TBXAS1: variants seen among roughly 807,000 people sequenced by gnomAD.
The protein encoded by TBXAS1 is thromboxane-A synthase.
TBXAS1 carries 48 observed loss-of-function variants against 60.7 expected under a neutral mutation model. The ratio of observed to expected loss-of-function variants is 0.79; its 90% CI spans 0.63 to 1.01. The LOEUF (loss-of-function observed/expected upper bound fraction) is 1.01. Ranked by LOEUF, TBXAS1 falls within the 50% of genes least tolerant of loss-of-function variation. The probability of loss-of-function intolerance (pLI) is 0.00; values close to 1 mark genes in which losing one functional copy is unlikely to be tolerated. For missense variants in TBXAS1, 685 were observed against 686.3 expected (o/e 1.00, Z 0.02); for synonymous variants, 287 against 269.7 (o/e 1.06, Z -0.63).
chr7:139,786,137 G>A (rs1221805930), intron 3 of TBXAS1, among the ~76,000 whole-genome samples: 1 of 150,360 alleles, frequency 6.7e-6, no homozygotes, highest in Non-Finnish European at 1.5e-5. Flanking sequence ...TGACCATCAG[G>A]AACATTAGGT....
intron 4 of TBXAS1, among the ~76,000 whole-genome samples, chr7:139,818,687 T>G (rs1187985971): frequency 6.6e-6 from 1 of 152,018 alleles, no homozygotes; most frequent in Non-Finnish European, 1.5e-5. Context: ...GCAGACAGAG[T>G]GAATATTTCT....
At chr7:139,984,781 AAAAG>A (rs951941164) in intron 9 of TBXAS1, among the ~76,000 whole-genome samples, 129 of 140,900 alleles carry the variant, frequency 9.2e-4, no homozygotes, top group Admixed American at 5.3e-3. Flanking sequence ...AGAAAGAAAG[AAAAG>A]AAAGAAAGAA....
At chr7:139,931,694 A>G (rs1807342055) in intron 4 of TBXAS1, among the ~76,000 whole-genome samples, 1 of 151,586 alleles carries the variant, frequency 6.6e-6, no homozygotes, top group South Asian at 2.1e-4. Flanking sequence ...ACGTGACCCC[A>G]CGATTCAATT....
intron 4 of TBXAS1, chr7:139,913,652 C>T (rs1805721726): frequency 6.5e-6 from 1 of 153,650 alleles, no homozygotes; most frequent in Non-Finnish European, 1.4e-5. Context: ...TCCTCCAAGC[C>T]ATTTGTCTGC....
intron 4 of TBXAS1, among the ~76,000 whole-genome samples, chr7:139,795,771 C>T (rs1797549441): frequency 6.6e-6 from 1 of 152,006 alleles, no homozygotes. Context: ...ACTGTTTCAC[C>T]ACCCCGCCTC....
chr7:139,786,016 T>G (rs551095027), intron 3 of TBXAS1, among the ~76,000 whole-genome samples: 1 of 150,808 alleles, frequency 6.6e-6, no homozygotes, highest in African/African-American at 2.4e-5. Context: ...GGTCTGTTTC[T>G]GCTGCATTCA....
intron 4 of TBXAS1, among the ~76,000 whole-genome samples, chr7:139,817,559 G>T (rs1263924478): frequency 2.0e-5 from 3 of 152,170 alleles, no homozygotes; most frequent in Non-Finnish European, 4.4e-5. Flanking sequence ...CCCGGAACAG[G>T]TACAGGCAGC....
intron 1 of TBXAS1, among the ~76,000 whole-genome samples, chr7:139,864,173 A>C (rs563126199): frequency 6.6e-6 from 1 of 152,280 alleles, no homozygotes; most frequent in East Asian, 1.9e-4. Flanking sequence ...ATAGGAAATC[A>C]AAGAAATTCC....
rs1469742346 is a variant in TBXAS1 at position 139,805,710 on chromosome 7, C to CTTTCT, written c.-80+18285_-80+18289dup. Among the ~76,000 whole-genome samples, 3 of 41,606 alleles carry CTTTCT rather than the reference C, an allele frequency of 7.2e-5. No individual in the cohort carries two copies. In the Admixed American group the frequency reaches 8.7e-4, roughly 12 times the overall value. 27.3% of individuals were successfully genotyped at this position (41,606 alleles called of 152,430 possible). ...TCTTTCTTTCTTTCTTTCTTTCTTT[C>CTTTCT]TTTCTCTCTCTCTCTCTCTCTTTCT... On this transcript the variant is annotated intron_variant, in intron 4 of 16. Transcript: ENST00000336425.
chr7:139,952,583 A>G, intron 5 of TBXAS1: 2 of 1,537,308 alleles, frequency 1.3e-6, no homozygotes, highest in Non-Finnish European at 8.7e-7. Flanking sequence ...AGAGAATAAA[A>G]GGTCACATGG....
chr7:139,979,045 C>A (rs943720713), intron 9 of TBXAS1, among the ~76,000 whole-genome samples: 1 of 152,160 alleles, frequency 6.6e-6, no homozygotes, highest in Non-Finnish European at 1.5e-5. Flanking sequence ...GATTTGAATT[C>A]GATCCTCTGG....
At chr7:139,885,685 C>G (rs1265023062) in intron 3 of TBXAS1, among the ~76,000 whole-genome samples, 1 of 152,190 alleles carries the variant, frequency 6.6e-6, no homozygotes, top group Non-Finnish European at 1.5e-5. Flanking sequence ...TTTGAAGAAG[C>G]AATGAGTTCC....
Position 139,872,281 on chromosome 7 carries a change from C to T in TBXAS1, c.136C>T (p.His46Tyr). 1 of 1,614,164 alleles carries T rather than the reference C, an allele frequency of 6.2e-7. No homozygotes were observed. Among genetic ancestry groups the T allele is most frequent in the Non-Finnish European group, 8.5e-7 (1 of 1,179,986 alleles). Residue 46 changes from histidine to tyrosine, a missense_variant, in exon 2 of 13, where the codon CAT becomes TAT. By Grantham distance (83) the His-to-Tyr change is moderately conservative. Coordinates refer to ENST00000448866, the MANE Select transcript of TBXAS1 (RefSeq NM_001061.7). ...FSRLEKLGLR[H>Y]PKPSPFIGNL... Reference sequence around the variant, plus strand: ...AAGACTGGAGAAGTTAGGCCTCAGACATCCCAAGCCTTCTCCTTTCATTGG... The same window carrying T: ...AAGACTGGAGAAGTTAGGCCTCAGATATCCCAAGCCTTCTCCTTTCATTGG...
At chr7:139,900,722 T>TAAA (rs1396914577) in intron 3 of TBXAS1, among the ~76,000 whole-genome samples, 1 of 152,244 alleles carries the variant, frequency 6.6e-6, no homozygotes, top group Non-Finnish European at 1.5e-5. Flanking sequence ...TGCTGGTCTC[T>TAAA]ATTAGCTCCT....
Position 139,996,505 on chromosome 7 carries a change from G to A in TBXAS1, c.1135-10586G>A, listed in dbSNP as rs1813305435. Among the ~76,000 whole-genome samples, 6 of 152,280 alleles carry A rather than the reference G, an allele frequency of 3.9e-5. No homozygotes were observed. The South Asian group carries it at 1.2e-3, about 32-fold the overall frequency. ...CACGGTCTCACCCAGGTGGGGTGGT[G>A]GAGGGGGCCTCCAGCAAAATCCTGC... On this transcript the variant is annotated intron_variant, in intron 9 of 12. Coordinates refer to ENST00000448866, the MANE Select transcript of TBXAS1 (RefSeq NM_001061.7).
At chr7:139,892,647 G>T (rs1486239896) in intron 3 of TBXAS1, among the ~76,000 whole-genome samples, 2 of 152,002 alleles carry the variant, frequency 1.3e-5, no homozygotes, top group Non-Finnish European at 2.9e-5. Context: ...AAAAAAACTT[G>T]AGCACCTACC....
chr7:139,977,395 G>A (rs1050414957), intron 9 of TBXAS1, among the ~76,000 whole-genome samples: 1 of 152,104 alleles, frequency 6.6e-6, no homozygotes, highest in Non-Finnish European at 1.5e-5. Context: ...TCACTATCAC[G>A]AGAACAGCAC....
intron 4 of TBXAS1, among the ~76,000 whole-genome samples, chr7:139,807,570 A>T: frequency 6.6e-6 from 1 of 152,056 alleles, no homozygotes; most frequent in East Asian, 1.9e-4. Context: ...TTTTTAGTAG[A>T]GACAGGGTTT....
chr7:139,838,898 G>A lies in TBXAS1; in HGVS notation c.89+9419G>A, dbSNP rs80009605. On this transcript the variant is annotated intron_variant, in intron 1 of 12. Transcript: ENST00000448866. The stretch of plus-strand genomic sequence containing the variant: ...AAGTACATGGAGCACATGCTAAGAC[G>A]ATTAACACACAAGATAACACATTTT... 2.0e-3 allele frequency among the ~76,000 whole-genome samples: 306 copies of A among 152,238 alleles called. 1 individual carries two copies. Among genetic ancestry groups the A allele is most frequent in the African/African-American group, 6.9e-3 (287 of 41,520 alleles).
Sources: gnomAD v4.1 joint callset for allele counts (sites outside exome capture counted in the v4.1 genomes callset) on GRCh38, gnomAD v4.1.1 for gene constraint, MANE v1.5 for transcripts, NCBI Gene and HGNC (gene_info 2026-07-23, HGNC 2026-07-21) for gene names.